The following TNFSF4 variants were observed in gnomAD, a reference collection of about 807,000 sequenced individuals.
TNFSF4 encodes the protein tumor necrosis factor ligand superfamily member 4.
A neutral mutation model predicts 7.3 loss-of-function variants in TNFSF4; 4 were observed. That is an observed-to-expected ratio of 0.55 (90% CI 0.27 to 1.25). The LOEUF (loss-of-function observed/expected upper bound fraction) is 1.25, where lower values mean the gene tolerates loss of function less well. Ranked by LOEUF, TNFSF4 falls within the 50% of genes most tolerant of loss-of-function variation. The pLI is 0.12. For synonymous variants in TNFSF4, 76 were observed against 83.7 expected (o/e 0.91, Z 0.50); for missense variants, 181 against 208.8 (o/e 0.87, Z 0.82).
chr1:173,356,567 A>AG, the TNFSF4 span, among the ~76,000 whole-genome samples: 1 of 152,208 alleles, frequency 6.6e-6, no homozygotes, highest in African/African-American at 2.4e-5. Context: ...GCTCAACTTA[A>AG]GTCCCCCTGA....
At chr1:173,307,324 A>T in the TNFSF4 span, among the ~76,000 whole-genome samples, 4 of 151,888 alleles carry the variant, frequency 2.6e-5, no homozygotes, top group African/African-American at 9.7e-5. Context: ...GCAAAATCTA[A>T]ATCTAATCAT....
the TNFSF4 span, among the ~76,000 whole-genome samples, chr1:173,309,139 TA>T: frequency 1.3e-5 from 2 of 152,008 alleles, no homozygotes; most frequent in Non-Finnish European, 2.9e-5. Flanking sequence ...TTAGATGTTC[TA>T]CATCTGAATG....
At chr1:173,202,656 C>A (rs1306695201) in intron 1 of TNFSF4, among the ~76,000 whole-genome samples, 2 of 152,106 alleles carry the variant, frequency 1.3e-5, no homozygotes, top group African/African-American at 4.8e-5. Context: ...GTAATTTTTC[C>A]TGTATTTCCT....
chr1:173,196,141 A>G (rs1306042479), intron 1 of TNFSF4, among the ~76,000 whole-genome samples: 2 of 152,312 alleles, frequency 1.3e-5, no homozygotes, highest in Admixed American at 1.3e-4. Flanking sequence ...CCCCCTTACA[A>G]AAAGATGAGC....
chr1:173,207,287 C>A lies in TNFSF4; in HGVS notation c.-111G>T, dbSNP rs1046478586. 24 of 1,046,092 alleles carry A rather than the reference C, an allele frequency of 2.3e-5. No homozygotes were observed. In the South Asian group the frequency reaches 4.3e-4, roughly 19 times the overall value. 64.8% of individuals were successfully genotyped at this position (1,046,092 alleles called of 1,614,324 possible). A position where few individuals can be genotyped will look rare whatever the true frequency, so the allele number is the denominator to read the frequency against. On this transcript the variant is annotated 5_prime_UTR_variant, in exon 1 of 3. Coordinates refer to ENST00000281834, the MANE Select transcript of TNFSF4 (RefSeq NM_003326.5). ...TAAAGACAAAACAAAGCCTATCAATCAGAAAATAGGCAAAGGTCCCAGGGC... is the reference window on the plus strand; with the variant it reads ...TAAAGACAAAACAAAGCCTATCAATAAGAAAATAGGCAAAGGTCCCAGGGC...
At chr1:173,417,633 A>G in the TNFSF4 span, among the ~76,000 whole-genome samples, 1 of 152,186 alleles carries the variant, frequency 6.6e-6, no homozygotes, top group Non-Finnish European at 1.5e-5. Flanking sequence ...ATTGCCTGAC[A>G]TTATAACAAA....
chr1:173,270,071 A>G, the TNFSF4 span, among the ~76,000 whole-genome samples: 1 of 152,184 alleles, frequency 6.6e-6, no homozygotes, highest in African/African-American at 2.4e-5. Flanking sequence ...GTGTGTGGTA[A>G]GCAAGAAAGA....
At chr1:173,188,630 T>G in intron 1 of TNFSF4, 61 bp from the exon 2 acceptor site, 1 of 1,379,214 alleles carries the variant, frequency 7.3e-7, no homozygotes, top group Non-Finnish European at 1.0e-6. Flanking sequence ...AATTCGCAAG[T>G]CATATTTAAT....
intron 2 of TNFSF4, 153 bp downstream of exon 2, chr1:173,188,368 A>G: frequency 1.6e-6 from 1 of 641,492 alleles, no homozygotes; most frequent in Non-Finnish European, 2.7e-6. Context: ...CCTAATGAAA[A>G]TAATATGCAG....
At chr1:173,370,086 G>A in the TNFSF4 span, among the ~76,000 whole-genome samples, 13 of 152,086 alleles carry the variant, frequency 8.5e-5, no homozygotes, top group African/African-American at 2.4e-4. Flanking sequence ...GGCCCAACCC[G>A]AGTACATATC....
the TNFSF4 span, among the ~76,000 whole-genome samples, chr1:173,375,665 C>CTCTGTAAAATGCACCAATCAGCT: frequency 2.0e-5 from 3 of 150,508 alleles, no homozygotes; most frequent in Non-Finnish European, 4.4e-5. Flanking sequence ...ACCAATCAGC[C>CTCTGTAAAATGCACCAATCAGCT]GGATCCTAAA....
chr1:173,385,554 G>A, the TNFSF4 span, among the ~76,000 whole-genome samples: 1 of 152,222 alleles, frequency 6.6e-6, no homozygotes, highest in South Asian at 2.1e-4. Context: ...ACATGAACAA[G>A]CTAGTAGAGA....
the TNFSF4 span, among the ~76,000 whole-genome samples, chr1:173,241,580 G>A: frequency 6.6e-6 from 1 of 152,178 alleles, no homozygotes; most frequent in Non-Finnish European, 1.5e-5. Flanking sequence ...AGCTTATAAA[G>A]AGTACAGGAT....
At chr1:173,364,815 G>A in the TNFSF4 span, among the ~76,000 whole-genome samples, 1 of 151,782 alleles carries the variant, frequency 6.6e-6, no homozygotes, top group Non-Finnish European at 1.5e-5. Flanking sequence ...TATCAGGCAG[G>A]GCAGTAGTCA....
the TNFSF4 span, among the ~76,000 whole-genome samples, chr1:173,247,905 A>G: frequency 6.6e-6 from 1 of 152,328 alleles, no homozygotes; most frequent in East Asian, 1.9e-4. Flanking sequence ...AAGAATTTAT[A>G]ATAAAGTGAA....
the TNFSF4 span, among the ~76,000 whole-genome samples, chr1:173,411,179 G>C: frequency 6.6e-6 from 1 of 152,154 alleles, no homozygotes; most frequent in African/African-American, 2.4e-5. Context: ...ACCTGAGATA[G>C]GCTGCTTCTA....
chr1:173,321,157 G>C, the TNFSF4 span, among the ~76,000 whole-genome samples: 4 of 152,086 alleles, frequency 2.6e-5, no homozygotes, highest in African/African-American at 9.7e-5. Context: ...CAGAACAGAG[G>C]CTTCAGAAAT....
chr1:173,346,532 C>A, the TNFSF4 span, among the ~76,000 whole-genome samples: 1 of 152,036 alleles, frequency 6.6e-6, no homozygotes. Flanking sequence ...TGAAAGCATT[C>A]CTGGATGATG....
At chr1:173,187,647 G>A (rs899697341) in intron 2 of TNFSF4, among the ~76,000 whole-genome samples, 1 of 152,198 alleles carries the variant, frequency 6.6e-6, no homozygotes, top group Non-Finnish European at 1.5e-5. Context: ...GTTTTTCCCG[G>A]AAGGTACTTT....
Sources: allele counts gnomAD v4.1 joint callset (sites outside exome capture counted in the v4.1 genomes callset), GRCh38; gene constraint gnomAD v4.1.1; transcripts MANE v1.5; gene names NCBI Gene and HGNC (gene_info 2026-07-23, HGNC 2026-07-21).